Variants in OSBPL10 observed in about 807,000 individuals in gnomAD.
The protein encoded by OSBPL10 is oxysterol-binding protein-related protein 10.
Under a neutral mutation model 81.7 loss-of-function variants are expected in OSBPL10, and 49 were observed. That is an observed-to-expected ratio of 0.60 (90% CI 0.48 to 0.76). The LOEUF (loss-of-function observed/expected upper bound fraction) is 0.76, where lower values mean the gene tolerates loss of function less well. Ranked by LOEUF, OSBPL10 falls within the 30% of genes least tolerant of loss-of-function variation. OSBPL10 has a pLI of 0.00. For missense variants in OSBPL10, 923 were observed against 987.8 expected, an observed-to-expected ratio of 0.93 and a Z score of 0.88; for synonymous variants, 419 against 383.6, an observed-to-expected ratio of 1.09 and a Z score of -1.08.
chr3:31,989,062 A>T (rs762661353), intron 2 of OSBPL10: 1 of 1,613,794 alleles, frequency 6.2e-7, no homozygotes, highest in South Asian at 1.1e-5. Flanking sequence ...CTGCAGCACT[A>T]TTGATTTCTA....
chr3:31,728,236 G>A (rs555657219), intron 6 of OSBPL10, among the ~76,000 whole-genome samples: 8 of 152,290 alleles, frequency 5.3e-5, no homozygotes, highest in African/African-American at 1.7e-4. Context: ...TGATAGCATT[G>A]TTGCCACTGT....
chr3:32,040,271 G>A (rs1448866553), intron 2 of OSBPL10, among the ~76,000 whole-genome samples: 1 of 152,148 alleles, frequency 6.6e-6, no homozygotes, highest in African/African-American at 2.4e-5. Context: ...GCTGGGTGTG[G>A]TGGCATGTGC....
chr3:31,981,786 G>A (rs1019509154), upstream of OSBPL10: 4 of 152,258 alleles, frequency 2.6e-5, no homozygotes, highest in African/African-American at 7.2e-5. The surrounding 1 kb of genome is among the most constrained non-coding windows in gnomAD (Gnocchi z 4.5). Flanking sequence ...ACACGATGCT[G>A]CGCCAGACGC....
At chr3:31,806,543 C>T (rs1238818200) in intron 4 of OSBPL10, among the ~76,000 whole-genome samples, 6 of 152,158 alleles carry the variant, frequency 3.9e-5, no homozygotes, top group African/African-American at 9.7e-5. Flanking sequence ...GCTTTGTACC[C>T]GCAGTTAGAA....
At chr3:31,882,416 TG>T (rs1695607943) in intron 1 of OSBPL10, among the ~76,000 whole-genome samples, 1 of 152,216 alleles carries the variant, frequency 6.6e-6, no homozygotes, top group Non-Finnish European at 1.5e-5. Flanking sequence ...CAACATTGCC[TG>T]GGATCTTGTT....
chr3:31,794,702 A>T (rs1305243965), intron 4 of OSBPL10: 1 of 298,822 alleles, frequency 3.3e-6, no homozygotes, highest in African/African-American at 2.3e-5. Context: ...AGAGAGTCTC[A>T]GGTCAGGACT....
chr3:31,792,734 ACACAGAGTGTGTGTGT>A (rs1244819846), intron 4 of OSBPL10, among the ~76,000 whole-genome samples: 4 of 130,186 alleles, frequency 3.1e-5, no homozygotes, highest in African/African-American at 1.3e-4. Flanking sequence ...AGCTATCCAG[ACACAGAGTGTGTGTGT>A]GTGTGTGTGT....
Position 31,931,719 on chromosome 3 carries a change from C to T in OSBPL10, c.281+49180G>A, listed in dbSNP as rs111711868. 4.4e-3 allele frequency among the ~76,000 whole-genome samples: 670 copies of T among 152,312 alleles called. 9 individuals are homozygous for T. The highest frequency in any genetic ancestry group is 0.015 in the African/African-American group (622 of 41,574). ...TCAAAACTCTTAGAATGGTGTCTTG[C>T]ACATAGTAAGTACTCAAGAAATGTT... On this transcript the variant is annotated intron_variant, in intron 1 of 11. Transcript: ENST00000396556.
chr3:31,796,362 C>G (rs1699210200), intron 4 of OSBPL10, among the ~76,000 whole-genome samples: 1 of 151,960 alleles, frequency 6.6e-6, no homozygotes, highest in South Asian at 2.1e-4. Flanking sequence ...TTAGAAATTC[C>G]TTGCCCCGCC....
chr3:31,679,907 G>A (rs1460611816), intron 8 of OSBPL10, among the ~76,000 whole-genome samples: 2 of 152,072 alleles, frequency 1.3e-5, no homozygotes, highest in Non-Finnish European at 2.9e-5. Context: ...CCTCCCACAG[G>A]GGAGTCCTTG....
At chr3:31,852,400 T>C (rs1700792698) in intron 3 of OSBPL10, among the ~76,000 whole-genome samples, 1 of 152,082 alleles carries the variant, frequency 6.6e-6, no homozygotes, top group South Asian at 2.1e-4. Context: ...ACAACAACTA[T>C]TATCCAGCCA....
intron 3 of OSBPL10, among the ~76,000 whole-genome samples, chr3:31,840,008 A>G (rs1304011425): frequency 1.3e-5 from 2 of 150,730 alleles, no homozygotes; most frequent in African/African-American, 4.8e-5. Context: ...GATAATTTTC[A>G]TCATAAAATT....
At chr3:31,852,583 G>GTTTA (rs998116298) in intron 3 of OSBPL10, among the ~76,000 whole-genome samples, 6 of 151,680 alleles carry the variant, frequency 4.0e-5, no homozygotes, top group Non-Finnish European at 5.9e-5. Context: ...TTTTTTGTTT[G>GTTTA]TTTGTTTGTT....
intron 4 of OSBPL10, among the ~76,000 whole-genome samples, chr3:31,755,683 G>C (rs1026965767): frequency 3.3e-5 from 5 of 152,236 alleles, no homozygotes; most frequent in African/African-American, 1.2e-4. Flanking sequence ...GAACAAAAGA[G>C]TGGTTGAAAG....
At chr3:31,768,553 A>T (rs1218311516) in intron 4 of OSBPL10, among the ~76,000 whole-genome samples, 1 of 151,834 alleles carries the variant, frequency 6.6e-6, no homozygotes, top group Non-Finnish European at 1.5e-5. Context: ...AAATAAACAC[A>T]TGTAATTCTT....
chr3:32,049,303 C>A (rs1000334419), intron 1 of OSBPL10, among the ~76,000 whole-genome samples: 2 of 152,114 alleles, frequency 1.3e-5, no homozygotes, highest in African/African-American at 4.8e-5. Flanking sequence ...ATCAGGAGCC[C>A]TTTTTAGTAA....
chr3:31,672,842 CAGG>C (rs1409901432), intron 8 of OSBPL10, among the ~76,000 whole-genome samples: 7 of 152,146 alleles, frequency 4.6e-5, no homozygotes, highest in African/African-American at 1.7e-4. Context: ...CTGAGACACC[CAGG>C]AGAAGCAGAT....
At chr3:32,042,560 GC>G (rs1699588747) in intron 2 of OSBPL10, among the ~76,000 whole-genome samples, 1 of 152,024 alleles carries the variant, frequency 6.6e-6, no homozygotes, top group South Asian at 2.1e-4. Flanking sequence ...GGGGGAACCT[GC>G]CCCCAATATT....
chr3:31,889,466 C>T (rs1695833258), intron 1 of OSBPL10, among the ~76,000 whole-genome samples: 1 of 151,980 alleles, frequency 6.6e-6, no homozygotes, highest in South Asian at 2.1e-4. Flanking sequence ...CATTATTCAG[C>T]CTTAAAAAAG....
Sources: allele counts gnomAD v4.1 joint callset (sites outside exome capture counted in the v4.1 genomes callset), GRCh38; gene constraint gnomAD v4.1.1; non-coding constraint Gnocchi (gnomAD v3.1); transcripts MANE v1.5; gene names NCBI Gene and HGNC (gene_info 2026-07-23, HGNC 2026-07-21).